Variants in JAKMIP3 observed in about 807,000 individuals in gnomAD.
JAKMIP3 encodes the protein Janus kinase and microtubule interacting protein 3.
A neutral mutation model predicts 118.5 loss-of-function variants in JAKMIP3; 58 were observed. That is an observed-to-expected ratio of 0.49 (90% CI 0.40 to 0.61). The LOEUF is 0.61. Among genes scored for constraint, JAKMIP3 ranks in the 20% least tolerant of loss-of-function variants. The pLI, the probability that JAKMIP3 is intolerant of heterozygous loss-of-function variation, is 0.00. For synonymous variants in JAKMIP3, 486 were observed against 451.2 expected (o/e 1.08, Z -0.98); for missense variants, 950 against 1,109.0 (o/e 0.86, Z 2.04).
At chr10:132,120,009 C>G (rs1291945542) in intron 3 of JAKMIP3, among the ~76,000 whole-genome samples, 1 of 152,184 alleles carries the variant, frequency 6.6e-6, no homozygotes, top group Non-Finnish European at 1.5e-5. Context: ...ACGCTCTTCT[C>G]CAAGTTTAAC....
At chr10:132,091,480 G>T (rs940276510) in intron 1 of JAKMIP3, among the ~76,000 whole-genome samples, 1 of 152,156 alleles carries the variant, frequency 6.6e-6, no homozygotes, top group African/African-American at 2.4e-5. Context: ...TATATGTTTA[G>T]GATAGTTAGC....
At chr10:132,139,446 G>A (rs1185526189) in intron 9 of JAKMIP3, among the ~76,000 whole-genome samples, 4 of 137,892 alleles carry the variant, frequency 2.9e-5, no homozygotes, top group African/African-American at 5.0e-5. Flanking sequence ...GTACATGTGA[G>A]TGTATATGTG....
At position 132,138,170 on chromosome 10, in the gene JAKMIP3, C is replaced by T. The variant is rs771631537; in HGVS notation, c.1336C>T (p.Leu446Phe). 2.2e-5 allele frequency: 35 copies of T among 1,610,618 alleles called. No individual in the cohort carries two copies. Among genetic ancestry groups the T allele is most frequent in the Non-Finnish European group, 2.8e-5 (33 of 1,178,468 alleles). ...FRKQRKKMAK[L>F]PKPVVVETFF... is the part of the protein sequence containing the mutation. ...GAAGCAAAGAAAGAAAATGGCAAAACTTCCCAAGGTAAGGAACAGCACACC... is the reference window on the plus strand; with the variant it reads ...GAAGCAAAGAAAGAAAATGGCAAAATTTCCCAAGGTAAGGAACAGCACACC... The change falls in exon 9 of 24, where the codon CTT becomes TTT. Residue 446 changes from leucine to phenylalanine, a missense_variant. Leu to Phe is a conservative substitution (Grantham distance 22). Transcript: ENST00000684848.
intron 1 of JAKMIP3, among the ~76,000 whole-genome samples, chr10:132,074,047 C>T (rs1241215277): frequency 6.6e-6 from 1 of 152,014 alleles, no homozygotes; most frequent in African/African-American, 2.4e-5. Context: ...TATTTTTTGA[C>T]TTTTGTTTTG....
At chr10:132,046,364 C>G (rs963002848) in intron 1 of JAKMIP3, among the ~76,000 whole-genome samples, 3 of 151,650 alleles carry the variant, frequency 2.0e-5, no homozygotes, top group East Asian at 1.9e-4. Context: ...GCTGAGGCAG[C>G]AGAATGGCAT....
intron 1 of JAKMIP3, among the ~76,000 whole-genome samples, chr10:132,079,719 T>G (rs904729031): frequency 1.3e-5 from 2 of 152,210 alleles, no homozygotes; most frequent in African/African-American, 4.8e-5. Context: ...AAACTGAAAC[T>G]CTGTCCCCAT....
At chr10:132,051,603 T>C (rs552647355) in intron 1 of JAKMIP3, among the ~76,000 whole-genome samples, 124 of 152,012 alleles carry the variant, frequency 8.2e-4, no homozygotes, top group Non-Finnish European at 1.4e-3. Flanking sequence ...ATTTTTACTT[T>C]TTTTTTTTTC....
In JAKMIP3 at chr10:132,142,033, A is replaced by G; in HGVS notation, c.1587A>G (p.Ala529=). 2 of 1,607,022 alleles carry G rather than the reference A, an allele frequency of 1.2e-6. No individual in the cohort carries two copies. The highest frequency in any genetic ancestry group is 1.7e-6 in the Non-Finnish European group (2 of 1,177,478). The part of the protein sequence containing the change: ...LQEQVGGTLD[A]EREVKTREQL... ...AGCAGGTTGGAGGGACGCTGGACGCAGAGCGAGAAGTTAAGGTCTACGTGA... is the reference window on the plus strand; with the variant it reads ...AGCAGGTTGGAGGGACGCTGGACGCGGAGCGAGAAGTTAAGGTCTACGTGA... Residue 529 remains alanine (A), a synonymous_variant, in exon 11 of 24, where the codon GCA becomes GCG. Transcript: ENST00000684848.
In JAKMIP3 at chr10:132,117,707, A is replaced by G. The variant is rs1306300555; in HGVS notation, c.633+133A>G. On this transcript the variant is annotated intron_variant, in intron 3 of 23. Transcript: ENST00000684848. This position sits in a 1 kb window ranked among gnomAD's most constrained non-coding sequence, Gnocchi z 8.6. The stretch of plus-strand genomic sequence containing the variant: ...GCGGGCAGCACCGGCTTCACCCCCC[A>G]TGACATTCTTAGCACAGGCTCCTCA... 9 of 1,098,272 alleles carry G rather than the reference A, an allele frequency of 8.2e-6. 1 individual carries two copies. Among genetic ancestry groups the G allele is most frequent in the Non-Finnish European group, 8.3e-6 (7 of 848,184 alleles). 68.0% of individuals were successfully genotyped at this position (1,098,272 alleles called of 1,614,324 possible).
intron 1 of JAKMIP3, among the ~76,000 whole-genome samples, chr10:132,070,552 C>CAGGA (rs1286142403): frequency 6.6e-6 from 1 of 152,034 alleles, no homozygotes; most frequent in Non-Finnish European, 1.5e-5. Flanking sequence ...AGCAGTGGAG[C>CAGGA]TCCTAGAAGG....
intron 1 of JAKMIP3, among the ~76,000 whole-genome samples, chr10:132,094,039 G>A (rs2043493337): frequency 6.7e-6 from 1 of 149,014 alleles, no homozygotes; most frequent in African/African-American, 2.5e-5. Flanking sequence ...CCAGGTTCAA[G>A]CAATTCTCTT....
chr10:132,180,782 T>TGC lies in JAKMIP3; in HGVS notation c.*1104-1571_*1104-1570dup, dbSNP rs1324520055. Among the ~76,000 whole-genome samples, 37 of 60,626 alleles carry TGC rather than the reference T, an allele frequency of 6.1e-4. 10 individuals are homozygous for TGC. The highest frequency in any genetic ancestry group is 2.9e-3 in the African/African-American group (36 of 12,402). 39.8% of individuals were successfully genotyped at this position (60,626 alleles called of 152,430 possible). On this transcript the variant is annotated intron_variant, in intron 23 of 23. Coordinates refer to ENST00000684848, the MANE Select transcript of JAKMIP3 (RefSeq NM_001323087.2). ...GTGCGTGTGTGTGCGTGTGTGTGTG[T>TGC]GCGCGTATGCATGTGCTGTGAGTGG...
chr10:132,036,494 C>T (rs935114578), upstream of JAKMIP3, among the ~76,000 whole-genome samples: 44 of 152,258 alleles, frequency 2.9e-4, no homozygotes, highest in African/African-American at 9.9e-4. Flanking sequence ...CCACGCCGAG[C>T]CCTGTTTTAG....
chr10:132,112,338 C>T lies in JAKMIP3; in HGVS notation c.136-4739C>T, dbSNP rs1483329190. Among the ~76,000 whole-genome samples, 6 of 152,030 alleles carry T rather than the reference C, an allele frequency of 3.9e-5. No individual in the cohort carries two copies. The highest frequency in any genetic ancestry group is 5.9e-5 in the Non-Finnish European group (4 of 67,992). On this transcript the variant is annotated intron_variant, in intron 2 of 23. Transcript: ENST00000684848. The surrounding 1 kb of genome is among the most constrained non-coding windows in gnomAD (Gnocchi z 4.3). ...GCCCAGAGAACAGTGCGAGGGGAGA[C>T]GGGGCTGGGACCTGCCCTGGGCACT...
chr10:132,138,175 C>A lies in JAKMIP3; in HGVS notation c.1341C>A (p.Pro447=). ...AAAGAAAGAAAATGGCAAAACTTCC[C>A]AAGGTAAGGAACAGCACACCGGCAC... ...RKQRKKMAKL[P]KPVVVETFFG... is the part of the protein sequence containing the mutation. Residue 447 remains proline (P), a synonymous_variant, in exon 9 of 24, where the codon CCC becomes CCA. Transcript: ENST00000684848. 6.2e-7 allele frequency: 1 copy of A among 1,609,850 alleles called. No homozygotes were observed. The highest frequency in any genetic ancestry group is 8.5e-7 in the Non-Finnish European group (1 of 1,178,068).
chr10:132,056,872 T>C (rs6560674), intron 1 of JAKMIP3, among the ~76,000 whole-genome samples: 117,543 of 152,006 alleles, frequency 0.77, 45,868 homozygotes, highest in East Asian at 1. Context: ...TACCAGGCAC[T>C]CGGGGGTCCA....
At chr10:132,105,852 T>TAGTTCTCTCCCTCTCC (rs61706239) in intron 2 of JAKMIP3, among the ~76,000 whole-genome samples, 1 of 151,954 alleles carries the variant, frequency 6.6e-6, no homozygotes, top group African/African-American at 2.4e-5. Context: ...TCTCCCTCCC[T>TAGTTCTCTCCCTCTCC]GTTTCTTGCC....
intron 4 of JAKMIP3, among the ~76,000 whole-genome samples, chr10:132,133,992 C>T (rs887744501): frequency 8.5e-5 from 13 of 152,368 alleles, no homozygotes; most frequent in African/African-American, 4.8e-5. Context: ...CCGGCACTCT[C>T]ATCACCAGTC....
rs539382663 is a variant in JAKMIP3, at chr10:132,137,182, C to A, written c.1248+32C>A. On this transcript the variant is annotated intron_variant, in intron 7 of 23. Transcript: ENST00000684848. Reference sequence around the variant, plus strand: ...GGCGGGCTGTTTGCTGCGGCCCCGTCCTCTGGCTCCCAAGGGGCTTGGCTA... The same window carrying A: ...GGCGGGCTGTTTGCTGCGGCCCCGTACTCTGGCTCCCAAGGGGCTTGGCTA... 4 of 1,613,860 alleles carry A rather than the reference C, an allele frequency of 2.5e-6. No individual in the cohort carries two copies. The Admixed American group carries it at 6.7e-5, about 27-fold the overall frequency.
Sources: allele counts gnomAD v4.1 joint callset (sites outside exome capture counted in the v4.1 genomes callset), GRCh38; gene constraint gnomAD v4.1.1; non-coding constraint Gnocchi (gnomAD v3.1); transcripts MANE v1.5; gene names NCBI Gene and HGNC (gene_info 2026-07-23, HGNC 2026-07-21).